The following MGMT variants were observed in gnomAD, a reference collection of about 807,000 sequenced individuals.
MGMT encodes the protein methylated-DNA--protein-cysteine methyltransferase.
Under a neutral mutation model 15.9 loss-of-function variants are expected in MGMT, and 14 were observed. That is an observed-to-expected ratio of 0.88 (90% CI 0.58 to 1.37). The LOEUF (loss-of-function observed/expected upper bound fraction) is 1.37. Among genes scored for constraint, MGMT ranks in the 40% most tolerant of loss-of-function variants. MGMT has a pLI of 0.00. For missense variants in MGMT, 282 were observed against 268.1 expected (o/e 1.05, Z -0.36); for synonymous variants, 130 against 118.2 (o/e 1.10, Z -0.65).
intron 4 of MGMT, among the ~76,000 whole-genome samples, chr10:129,765,629 C>T (rs954721675): frequency 6.6e-6 from 1 of 152,230 alleles, no homozygotes; most frequent in African/African-American, 2.4e-5. Flanking sequence ...TTACATTCGC[C>T]ATCACTGTCC....
chr10:129,497,717 GC>G (rs747254369), intron 1 of MGMT, among the ~76,000 whole-genome samples: 29 of 152,286 alleles, frequency 1.9e-4, no homozygotes, highest in Middle Eastern at 3.4e-3. Flanking sequence ...CATGGTGATG[GC>G]CTTTGGAGGT....
In MGMT at chr10:129,556,710, G is replaced by A. The variant is rs1184526703; in HGVS notation, c.125+20333G>A. Among the ~76,000 whole-genome samples, 1 of 152,138 alleles carries A rather than the reference G, an allele frequency of 6.6e-6. No individual in the cohort carries two copies. Among genetic ancestry groups the A allele is most frequent in the African/African-American group, 2.4e-5 (1 of 41,424 alleles). On this transcript the variant is annotated intron_variant, in intron 2 of 4. Transcript: ENST00000651593. The surrounding 1 kb of genome is among the most constrained non-coding windows in gnomAD (Gnocchi z 4.3). ...GCGTTCTAGGCAAATGATGAAAATGGTATTTTACACATATTTGAAAAGAAA... is the reference window on the plus strand; with the variant it reads ...GCGTTCTAGGCAAATGATGAAAATGATATTTTACACATATTTGAAAAGAAA...
At chr10:129,543,138 C>G (rs1027072404) in intron 2 of MGMT, among the ~76,000 whole-genome samples, 7 of 152,304 alleles carry the variant, frequency 4.6e-5, no homozygotes, top group Non-Finnish European at 7.3e-5. Context: ...CTGCTGGCCC[C>G]CGGACACACA....
intron 2 of MGMT, among the ~76,000 whole-genome samples, chr10:129,636,249 T>G (rs976990635): frequency 1.3e-5 from 2 of 152,208 alleles, no homozygotes; most frequent in African/African-American, 2.4e-5. Flanking sequence ...TTGGTCTAGA[T>G]CGTCACCTCT....
intron 2 of MGMT, among the ~76,000 whole-genome samples, chr10:129,577,237 A>C (rs1202831342): frequency 2.6e-5 from 4 of 152,180 alleles, no homozygotes; most frequent in African/African-American, 9.7e-5. Flanking sequence ...AGTCAATCCT[A>C]AGCCAAAAGA....
chr10:129,689,414 C>G (rs188703317), intron 2 of MGMT, among the ~76,000 whole-genome samples: 117 of 152,278 alleles, frequency 7.7e-4, no homozygotes, highest in African/African-American at 2.7e-3. Context: ...ATAGGAGTGA[C>G]TTTTTTCAAT....
chr10:129,619,773 G>A (rs1847070419), intron 2 of MGMT, among the ~76,000 whole-genome samples: 1 of 152,092 alleles, frequency 6.6e-6, no homozygotes, highest in Non-Finnish European at 1.5e-5. Context: ...CTCTTATCCA[G>A]TTATCCCTCT....
At chr10:129,508,362 T>A (rs1845646246) in intron 1 of MGMT, among the ~76,000 whole-genome samples, 1 of 151,966 alleles carries the variant, frequency 6.6e-6, no homozygotes, top group Admixed American at 6.6e-5. Context: ...AGAGGAGTCG[T>A]AGGGCTGGAA....
At chr10:129,685,184 A>G (rs1465168734) in intron 2 of MGMT, among the ~76,000 whole-genome samples, 8 of 152,238 alleles carry the variant, frequency 5.3e-5, no homozygotes, top group East Asian at 1.9e-4. Flanking sequence ...TAAATATGCC[A>G]TATGTGTCAA....
intron 2 of MGMT, among the ~76,000 whole-genome samples, chr10:129,547,946 C>T (rs950388919): frequency 6.6e-6 from 1 of 152,192 alleles, no homozygotes; most frequent in Non-Finnish European, 1.5e-5. Flanking sequence ...GATGTGTCGT[C>T]CGGTGAGGTC....
intron 2 of MGMT, among the ~76,000 whole-genome samples, chr10:129,696,319 A>ATCGACT (rs1848031933): frequency 1.1e-5 from 1 of 93,522 alleles, no homozygotes; most frequent in Admixed American, 9.8e-5. Context: ...ATTGCATTAT[A>ATCGACT]TCAGGGGGTG....
chr10:129,537,418 T>G, intron 2 of MGMT, among the ~76,000 whole-genome samples: 1 of 152,180 alleles, frequency 6.6e-6, no homozygotes, highest in East Asian at 1.9e-4. Flanking sequence ...TTGAACCATG[T>G]GAATATACTC....
At position 129,738,414 on chromosome 10, in the gene MGMT, C is replaced by T. The variant is rs545639367; in HGVS notation, c.275-20788C>T. ...GGCAATGCCTCGCCCTGCTTTGGCT[C>T]GCGCACGGTGCACGCACCCACTGAC... On this transcript the variant is annotated intron_variant, in intron 3 of 4. Coordinates refer to ENST00000651593, the MANE Select transcript of MGMT (RefSeq NM_002412.5). Among the ~76,000 whole-genome samples, 4 of 152,344 alleles carry T rather than the reference C, an allele frequency of 2.6e-5. No individual in the cohort carries two copies. In the South Asian group the frequency reaches 6.2e-4, roughly 24 times the overall value.
intron 2 of MGMT, among the ~76,000 whole-genome samples, chr10:129,646,963 C>G (rs747060162): frequency 1.3e-5 from 2 of 151,538 alleles, no homozygotes; most frequent in Non-Finnish European, 1.5e-5. Flanking sequence ...ATCTGAACAC[C>G]TGGGAGTCTG....
chr10:129,534,921 C>T (rs1459358482), intron 1 of MGMT, among the ~76,000 whole-genome samples: 4 of 152,134 alleles, frequency 2.6e-5, no homozygotes, highest in African/African-American at 4.8e-5. Context: ...CTTGCAGGGC[C>T]ACACTGCCTC....
intron 2 of MGMT, among the ~76,000 whole-genome samples, chr10:129,580,114 G>A (rs1180896563): frequency 1.3e-5 from 2 of 152,154 alleles, no homozygotes; most frequent in African/African-American, 4.8e-5. Context: ...TTCTAATTGC[G>A]GGTTTTTGTT....
At chr10:129,502,669 G>C (rs1467204008) in intron 1 of MGMT, among the ~76,000 whole-genome samples, 1 of 152,118 alleles carries the variant, frequency 6.6e-6, no homozygotes, top group African/African-American at 2.4e-5. Context: ...ACTGGGGATG[G>C]GGCCGCCTCC....
At position 129,657,409 on chromosome 10, in the gene MGMT, G is replaced by T. The variant is rs570266554; in HGVS notation, c.126-50486G>T. ...CCTGCATTCTAGGGATTGTGGGGGT[G>T]GGGGGGGGAGCAACAAACAAAACAG... On this transcript the variant is annotated intron_variant, in intron 2 of 4. Transcript: ENST00000651593. Among the ~76,000 whole-genome samples the T allele has an allele frequency of 1.4e-4, 20 of 139,266 alleles. No individual in the cohort carries two copies. The South Asian group carries it at 1.5e-3, about 10-fold the overall frequency. The allele number at this position is 139,266 out of a possible 152,430, so 91.4% of individuals were successfully genotyped here.
chr10:129,742,665 C>A (rs1275771011), intron 3 of MGMT, among the ~76,000 whole-genome samples: 1 of 144,446 alleles, frequency 6.9e-6, no homozygotes, highest in Non-Finnish European at 1.5e-5. Context: ...CAGTGCCCCA[C>A]GGCTGCAGCG....
Sources: allele counts gnomAD v4.1 joint callset (sites outside exome capture counted in the v4.1 genomes callset), GRCh38; gene constraint gnomAD v4.1.1; non-coding constraint Gnocchi (gnomAD v3.1); transcripts MANE v1.5; gene names NCBI Gene and HGNC (gene_info 2026-07-23, HGNC 2026-07-21).